Variants in PLXNA1 observed in about 807,000 individuals in gnomAD.
PLXNA1 encodes the protein plexin-A1.
A neutral mutation model predicts 191.7 loss-of-function variants in PLXNA1; 77 were observed. That is an observed-to-expected ratio of 0.40 (90% CI 0.33 to 0.49). The LOEUF is 0.49. Ranked by LOEUF, PLXNA1 falls within the 20% of genes least tolerant of loss-of-function variation. The probability of loss-of-function intolerance (pLI) is 0.63; values close to 1 mark genes in which losing one functional copy is unlikely to be tolerated. For missense variants in PLXNA1, 2,110 were observed against 2,660.2 expected (o/e 0.79, Z 4.55); for synonymous variants, 1,137 against 1,156.4 (o/e 0.98, Z 0.34).
rs905413710 is a variant in PLXNA1, at chr3:127,017,834, T to C, written c.3602T>C (p.Val1201Ala). The change falls in exon 19 of 32, where the codon GTG becomes GCG. Residue 1201 changes from valine (V) to alanine (A), a missense_variant. Physicochemically the swap from Val to Ala is moderately conservative, Grantham distance 64. This residue lies in a region of PLXNA1 where 644 missense variants were observed against 714.3 expected (regional missense o/e 0.90). Transcript: ENST00000393409. Reference sequence around the variant, plus strand: ...GGCTCCACACCCTGTACCCTCACCGTGTCGGAGACGCAACTGCTGTGCGAG... The same window carrying C: ...GGCTCCACACCCTGTACCCTCACCGCGTCGGAGACGCAACTGCTGTGCGAG... ...LIGSTPCTLT[V>A]SETQLLCEAP... is the part of the protein sequence containing the mutation. The C allele has an allele frequency of 1.9e-6, 3 of 1,612,938 alleles. No individual in the cohort carries two copies. The highest frequency in any genetic ancestry group is 1.1e-5 in the South Asian group (1 of 91,058).
At chr3:127,027,847 A>G (rs9851451) in intron 23 of PLXNA1, 93 bp from the exon 24 acceptor site, 402,197 of 1,548,082 alleles carry the variant, frequency 0.26, 57,662 homozygotes, top group African/African-American at 0.6. Flanking sequence ...TCTCCTTGCC[A>G]GGAACACCAT....
At chr3:127,005,781 C>G in intron 7 of PLXNA1, among the ~76,000 whole-genome samples, 1 of 152,098 alleles carries the variant, frequency 6.6e-6, no homozygotes, top group Non-Finnish European at 1.5e-5. Context: ...GGGTGCAGGA[C>G]CCCTCTGGCT....
chr3:126,985,674 G>A (rs907311557), intron 1 of PLXNA1, among the ~76,000 whole-genome samples: 3 of 152,226 alleles, frequency 2.0e-5, no homozygotes, highest in Non-Finnish European at 4.4e-5. Flanking sequence ...CCTGGGCCCA[G>A]CTTTGGAATG....
At chr3:127,012,340 G>A (rs1332582476) in intron 10 of PLXNA1, among the ~76,000 whole-genome samples, 182 bp downstream of exon 10, 2 of 152,254 alleles carry the variant, frequency 1.3e-5, no homozygotes, top group African/African-American at 4.8e-5. Flanking sequence ...AGATGTGCCT[G>A]GGTCATGTAG....
intron 9 of PLXNA1, among the ~76,000 whole-genome samples, chr3:127,010,327 C>T (rs2107629809): frequency 6.6e-6 from 1 of 152,286 alleles, no homozygotes; most frequent in South Asian, 2.1e-4. Context: ...CCCAGGAGAC[C>T]CACGCCACTG....
chr3:127,001,695 G>C (rs528941464), intron 3 of PLXNA1, among the ~76,000 whole-genome samples: 1 of 152,246 alleles, frequency 6.6e-6, no homozygotes, highest in South Asian at 2.1e-4. Context: ...GTCTTAAGCC[G>C]CTGGCTTGGA....
chr3:127,025,209 C>T (rs1278597958), intron 23 of PLXNA1, among the ~76,000 whole-genome samples: 1 of 152,142 alleles, frequency 6.6e-6, no homozygotes, highest in Non-Finnish European at 1.5e-5. Context: ...CTAAAAATCC[C>T]CTGAGCTCAC....
chr3:126,987,652 C>T (rs1233252791), intron 1 of PLXNA1, among the ~76,000 whole-genome samples: 3 of 152,118 alleles, frequency 2.0e-5, no homozygotes. Flanking sequence ...CCAGCCTTCC[C>T]TGTGGAGGAA....
chr3:126,991,647 G>C, intron 3 of PLXNA1, 81 bp downstream of exon 3: 1 of 1,396,426 alleles, frequency 7.2e-7, no homozygotes, highest in East Asian at 2.5e-5. Flanking sequence ...GGCAGGCCCA[G>C]TGCTGCTGTA....
chr3:127,032,053 G>T, intron 29 of PLXNA1: 1 of 335,058 alleles, frequency 3.0e-6, no homozygotes. Flanking sequence ...AGCCATGAGT[G>T]CAAGCCAGCA....
chr3:127,028,373 T>C, intron 25 of PLXNA1, 33 bp downstream of exon 25: 1 of 1,594,084 alleles, frequency 6.3e-7, no homozygotes, highest in Non-Finnish European at 8.5e-7. Context: ...GCCCGGGGTG[T>C]GTGCTGGAGC....
chr3:127,019,426 G>A (rs1443298277), intron 20 of PLXNA1, among the ~76,000 whole-genome samples: 1 of 152,186 alleles, frequency 6.6e-6, no homozygotes, highest in Non-Finnish European at 1.5e-5. Context: ...GGGCCAGGTG[G>A]GAGGCAGGTG....
intron 1 of PLXNA1, 21 bp from the exon 2 acceptor site, chr3:126,988,500 C>G (rs2078971945): frequency 1.8e-6 from 2 of 1,099,634 alleles, no homozygotes; most frequent in Non-Finnish European, 2.5e-6. Flanking sequence ...ATTCACATGC[C>G]CTCTTCTGCC....
rs1431729293 is a variant in PLXNA1, at chr3:127,036,682, T to TG, written c.*2667dup. On this transcript the variant is annotated 3_prime_UTR_variant, in exon 32 of 32. Coordinates refer to ENST00000393409, the MANE Select transcript of PLXNA1 (RefSeq NM_032242.4). ...TGGAGGCCCTGGTAGGAGCTGCAGTTGGAGGCCGTTCTGTGCCCAGCAGCG... is the reference window on the plus strand; with the variant it reads ...TGGAGGCCCTGGTAGGAGCTGCAGTTGGGAGGCCGTTCTGTGCCCAGCAGCG... The TG allele has an allele frequency of 6.6e-6, 1 of 152,270 alleles. No individual in the cohort carries two copies. 9.4% of individuals were successfully genotyped at this position (152,270 alleles called of 1,614,324 possible). A position where few individuals can be genotyped will look rare whatever the true frequency, so the allele number is the denominator to read the frequency against.
chr3:127,027,563 C>A (rs57965343), intron 23 of PLXNA1: 29,711 of 419,226 alleles, frequency 0.071, 1,615 homozygotes, highest in East Asian at 0.24. Flanking sequence ...GGGAGCAGGC[C>A]CCTGGGAGGC....
intron 20 of PLXNA1, among the ~76,000 whole-genome samples, chr3:127,019,810 G>C (rs142773682): frequency 6.6e-6 from 1 of 152,280 alleles, no homozygotes; most frequent in Non-Finnish European, 1.5e-5. Context: ...GCAATGGTGT[G>C]GGGGCTTGGG....
intron 1 of PLXNA1, among the ~76,000 whole-genome samples, chr3:126,986,694 A>C (rs1033062135): frequency 9.2e-5 from 14 of 151,988 alleles, no homozygotes; most frequent in African/African-American, 3.1e-4. Flanking sequence ...TGGGAGCAAT[A>C]AGTAATAGAG....
rs553136176 is a variant in PLXNA1 at position 127,010,844 on chromosome 3, T to G, written c.2113-1114T>G. Reference sequence around the variant, plus strand: ...CCTTCTGGCTTGCTGCAGGCTGAGCTGCCTGGGCTCCTCTGGGCATTTTTC... The same window carrying G: ...CCTTCTGGCTTGCTGCAGGCTGAGCGGCCTGGGCTCCTCTGGGCATTTTTC... On this transcript the variant is annotated intron_variant, in intron 9 of 31. Transcript: ENST00000393409. Among the ~76,000 whole-genome samples, 4 of 152,350 alleles carry G rather than the reference T, an allele frequency of 2.6e-5. No homozygotes were observed. In the East Asian group the frequency reaches 7.7e-4, roughly 29 times the overall value.
Position 126,988,747 on chromosome 3 carries a change from A to G in PLXNA1, c.154A>G (p.Thr52Ala). 1 of 1,591,740 alleles carries G rather than the reference A, an allele frequency of 6.3e-7. No homozygotes were observed. Among genetic ancestry groups the G allele is most frequent in the Non-Finnish European group, 8.6e-7 (1 of 1,166,506 alleles). ...RTFSASDWGL[T>A]HLVVHEQTGE... ...CTTCTCGGCCAGCGACTGGGGCCTC[A>G]CCCACCTAGTGGTGCATGAGCAGAC... Residue 52 changes from threonine (T) to alanine (A), a missense_variant, in exon 2 of 32, where the codon ACC becomes GCC. Physicochemically the swap from Thr to Ala is moderately conservative, Grantham distance 58. This residue lies in a region of PLXNA1 where 903 missense variants were observed against 1,015.7 expected (regional missense o/e 0.89). Coordinates refer to ENST00000393409, the MANE Select transcript of PLXNA1 (RefSeq NM_032242.4).
Sources: gnomAD v4.1 joint callset for allele counts (sites outside exome capture counted in the v4.1 genomes callset) on GRCh38, gnomAD v4.1.1 for gene constraint, gnomAD v4.1.1 regional missense constraint, MANE v1.5 for transcripts, NCBI Gene and HGNC (gene_info 2026-07-23, HGNC 2026-07-21) for gene names.